Variants in ATF3 observed in about 807,000 individuals in gnomAD.
ATF3 encodes the protein activating transcription factor 3, also known as cyclic AMP-dependent transcription factor ATF-3.
ATF3 carries 10 observed loss-of-function variants against 18.4 expected under a neutral mutation model. The observed-to-expected ratio is 0.54, with a 90% CI of 0.34 to 0.92. The LOEUF is 0.92. Ranked by LOEUF, ATF3 falls within the 40% of genes least tolerant of loss-of-function variation. ATF3 has a pLI of 0.02. For synonymous variants in ATF3, 78 were observed against 87.9 expected, an observed-to-expected ratio of 0.89 and a Z score of 0.63; for missense variants, 183 against 222.3, an observed-to-expected ratio of 0.82 and a Z score of 1.12.
chr1:212,576,661 C>T (rs1664580947), intron 1 of ATF3, among the ~76,000 whole-genome samples: 1 of 149,564 alleles, frequency 6.7e-6, no homozygotes. Context: ...TATTTTTATT[C>T]CAGAGTTAAA....
At chr1:212,567,997 G>C (rs1173377533) in intron 1 of ATF3, among the ~76,000 whole-genome samples, 1 of 152,202 alleles carries the variant, frequency 6.6e-6, no homozygotes, top group Non-Finnish European at 1.5e-5. Context: ...GTCAGAAGAA[G>C]AGCCTTGAAC....
chr1:212,577,342 T>A (rs1342487265), intron 1 of ATF3, among the ~76,000 whole-genome samples: 1 of 152,218 alleles, frequency 6.6e-6, no homozygotes, highest in African/African-American at 2.4e-5. Flanking sequence ...AGTAAAATTA[T>A]AACATGGAAT....
chr1:212,585,507 C>A (rs1664764225), intron 1 of ATF3, among the ~76,000 whole-genome samples: 1 of 152,238 alleles, frequency 6.6e-6, no homozygotes, highest in South Asian at 2.1e-4. Flanking sequence ...ACCACCCCAT[C>A]TGATGTAGGG....
intron 1 of ATF3, among the ~76,000 whole-genome samples, chr1:212,586,259 A>C (rs1398859740): frequency 6.6e-6 from 1 of 152,084 alleles, no homozygotes; most frequent in Non-Finnish European, 1.5e-5. Context: ...CTTGACCCAG[A>C]GCTTGACTGG....
At chr1:212,617,306 A>G (rs1050231572) in intron 2 of ATF3, among the ~76,000 whole-genome samples, 8 of 152,090 alleles carry the variant, frequency 5.3e-5, no homozygotes, top group African/African-American at 1.9e-4. Context: ...CTTGGGTAAG[A>G]CTCCTGGAAT....
At chr1:212,595,555 C>T (rs6670396) in intron 1 of ATF3, among the ~76,000 whole-genome samples, 11,358 of 152,250 alleles carry the variant, frequency 0.075, 475 homozygotes, top group Middle Eastern at 0.13. Context: ...CGGAAATGTG[C>T]GGGGAGTGGC....
rs1041023838 is a variant in ATF3 at position 212,618,930 on chromosome 1, G to A, written c.349-428G>A. ...CTGTTGATTGCTTCAGGGGATCAGT[G>A]AAAATTAGGGAATTTTGTGTGTTGC... On this transcript the variant is annotated intron_variant, in intron 3 of 3. Coordinates refer to ENST00000341491, the MANE Select transcript of ATF3 (RefSeq NM_001674.4). This position sits in a 1 kb window ranked among gnomAD's most constrained non-coding sequence, Gnocchi z 4.4. 2.2e-6 allele frequency: 3 copies of A among 1,378,562 alleles called. No individual in the cohort carries two copies. Among genetic ancestry groups the A allele is most frequent in the Non-Finnish European group, 3.0e-6 (3 of 983,750 alleles). 85.4% of individuals were successfully genotyped at this position (1,378,562 alleles called of 1,614,324 possible). A position where few individuals can be genotyped will look rare whatever the true frequency, so the allele number is the denominator to read the frequency against.
Position 212,571,397 on chromosome 1 carries a change from T to TTTATTA in ATF3, c.-5+5921_-5+5926dup. Among the ~76,000 whole-genome samples the TTTATTA allele has an allele frequency of 6.6e-5, 10 of 152,204 alleles. 2 individuals carry two copies. In the South Asian group the frequency reaches 2.1e-3, roughly 32 times the overall value. On this transcript the variant is annotated intron_variant, in intron 1 of 3. Coordinates refer to the ATF3 transcript ENST00000366981. ...CCAGAACAATGCATTAAATAATACT[T>TTTATTA]TTATTATTATTACTATTATTATTTT... is the stretch of plus-strand genomic sequence containing the variant.
At chr1:212,587,963 C>A (rs1454361247) in intron 1 of ATF3, among the ~76,000 whole-genome samples, 1 of 146,430 alleles carries the variant, frequency 6.8e-6, no homozygotes, top group Non-Finnish European at 1.5e-5. Context: ...GGGGTGGGGG[C>A]GGGTTTCATT....
chr1:212,602,385 C>A (rs751192093), intron 1 of ATF3, among the ~76,000 whole-genome samples: 3 of 152,150 alleles, frequency 2.0e-5, no homozygotes, highest in African/African-American at 7.2e-5. Context: ...AGGTTCCTTT[C>A]GGTATGAGAA....
At chr1:212,573,456 C>T (rs150470831) in intron 1 of ATF3, among the ~76,000 whole-genome samples, 4 of 151,634 alleles carry the variant, frequency 2.6e-5, no homozygotes, top group African/African-American at 9.7e-5. Context: ...TAGATTAAAC[C>T]CTCCTTGGGT....
chr1:212,600,900 A>T (rs1654465308), intron 1 of ATF3, among the ~76,000 whole-genome samples: 1 of 152,158 alleles, frequency 6.6e-6, no homozygotes, highest in Admixed American at 6.5e-5. Context: ...TATATATATA[A>T]AATACCTACT....
intron 2 of ATF3, among the ~76,000 whole-genome samples, chr1:212,617,651 G>A (rs1386074454): frequency 1.3e-5 from 2 of 152,222 alleles, no homozygotes; most frequent in Admixed American, 6.5e-5. Context: ...TCCAGGTGAA[G>A]TCAGAGGTGA....
intron 1 of ATF3, among the ~76,000 whole-genome samples, chr1:212,581,375 C>CA (rs1664681652): frequency 1.3e-5 from 2 of 152,058 alleles, no homozygotes; most frequent in Admixed American, 1.3e-4. Context: ...GACAGAAAGT[C>CA]AAAAAACCAA....
At chr1:212,592,523 A>G (rs141223260) in intron 1 of ATF3, among the ~76,000 whole-genome samples, 6 of 118,172 alleles carry the variant, frequency 5.1e-5, no homozygotes, top group African/African-American at 1.9e-4. Context: ...ATTTTAACCT[A>G]CCATATTCTT....
At chr1:212,591,642 T>C (rs17019414) in intron 1 of ATF3, among the ~76,000 whole-genome samples, 1 of 152,072 alleles carries the variant, frequency 6.6e-6, no homozygotes, top group Non-Finnish European at 1.5e-5. Context: ...TAGTAAGGCA[T>C]TCTGCAGTCA....
rs192437740 is a variant in ATF3, at chr1:212,575,521, A to G, written c.-5+10038A>G. Among the ~76,000 whole-genome samples, 26 of 152,258 alleles carry G rather than the reference A, an allele frequency of 1.7e-4. No homozygotes were observed. The East Asian group carries it at 3.1e-3, about 18-fold the overall frequency. On this transcript the variant is annotated intron_variant, in intron 1 of 3. Transcript: ENST00000366981. Reference sequence around the variant, plus strand: ...TCTTTCTCTTTTTCCATTGTTTTATATTACATCAGTTAAGAACTTCAGTAT... The same window carrying G: ...TCTTTCTCTTTTTCCATTGTTTTATGTTACATCAGTTAAGAACTTCAGTAT...
At chr1:212,609,659 GAGCCCGGGACTCCC>G (rs1654811251) in intron 1 of ATF3, among the ~76,000 whole-genome samples, 1 of 152,374 alleles carries the variant, frequency 6.6e-6, no homozygotes, top group East Asian at 1.9e-4. Flanking sequence ...TCCGGACCCC[GAGCCCGGGACTCCC>G]ACACACCTGG....
chr1:212,596,891 G>A (rs922180962), intron 1 of ATF3, among the ~76,000 whole-genome samples: 2 of 152,248 alleles, frequency 1.3e-5, no homozygotes, highest in African/African-American at 4.8e-5. Context: ...AGAAATTAAT[G>A]TTGGGGTATC....
Sources: allele counts gnomAD v4.1 joint callset (sites outside exome capture counted in the v4.1 genomes callset), GRCh38; gene constraint gnomAD v4.1.1; non-coding constraint Gnocchi (gnomAD v3.1); transcripts MANE v1.5; gene names NCBI Gene and HGNC (gene_info 2026-07-23, HGNC 2026-07-21).